Variants in EPAS1 observed in about 807,000 individuals in gnomAD.
EPAS1 encodes the protein endothelial PAS domain-containing protein 1.
EPAS1 carries 23 observed loss-of-function variants against 87.9 expected under a neutral mutation model. That is an observed-to-expected ratio of 0.26 (90% CI 0.19 to 0.37). The LOEUF (loss-of-function observed/expected upper bound fraction) is 0.37. EPAS1 is among the 10% of genes least tolerant of loss of function. The pLI is 1.00. For missense variants in EPAS1, 1,138 were observed against 1,120.7 expected, an observed-to-expected ratio of 1.02 and a Z score of -0.22; for synonymous variants, 508 against 444.3, an observed-to-expected ratio of 1.14 and a Z score of -1.80.
At position 46,378,641 on chromosome 2, in the gene EPAS1, C is replaced by A. The variant is rs1360504286; in HGVS notation, c.1444-16C>A. On this transcript the variant is annotated splice_polypyrimidine_tract_variant and intron_variant, in intron 10 of 15. Coordinates refer to ENST00000263734, the MANE Select transcript of EPAS1 (RefSeq NM_001430.5). ...GCCATATCTTTGACTCTGTCCCCCT[C>A]CTTCCTGGCCCCTAGCCCAATAGCC... 2.5e-6 allele frequency: 4 copies of A among 1,610,196 alleles called. No individual in the cohort carries two copies. Among genetic ancestry groups the A allele is most frequent in the Middle Eastern group, 3.3e-4 (2 of 6,054 alleles).
chr2:46,349,840 T>G (rs549886108), intron 2 of EPAS1, among the ~76,000 whole-genome samples: 19 of 152,356 alleles, frequency 1.2e-4, no homozygotes, highest in African/African-American at 3.6e-4. Flanking sequence ...CCAACACATG[T>G]AGCGTTATGA....
intron 1 of EPAS1, among the ~76,000 whole-genome samples, chr2:46,336,213 C>G (rs182509340): frequency 6.6e-6 from 1 of 152,192 alleles, no homozygotes; most frequent in Non-Finnish European, 1.5e-5. Context: ...TCACAATCAG[C>G]AAATATTTAC....
Position 46,369,871 on chromosome 2 carries a change from G to A in EPAS1, c.824G>A (p.Arg275His), listed in dbSNP as rs759634197. 5.6e-6 allele frequency: 9 copies of A among 1,612,970 alleles called. No individual in the cohort carries two copies. Among genetic ancestry groups the A allele is most frequent in the East Asian group, 2.2e-5 (1 of 44,890 alleles). Residue 275 changes from arginine (R) to histidine (H), a missense_variant, in exon 7 of 16, where the codon CGC becomes CAC. Arg to His is a conservative substitution (Grantham distance 29, BLOSUM62 0). Coordinates refer to ENST00000263734, the MANE Select transcript of EPAS1 (RefSeq NM_001430.5). ...IGYHPEELLG[R>H]SAYEFYHALD... ...TACCACCCTGAGGAGCTGCTTGGCC[G>A]CTCAGCCTATGAATTCTACCATGCG... is the stretch of plus-strand genomic sequence containing the variant.
intron 1 of EPAS1, among the ~76,000 whole-genome samples, chr2:46,298,690 G>T (rs1220637502): frequency 6.6e-6 from 1 of 152,240 alleles, no homozygotes; most frequent in East Asian, 1.9e-4. Context: ...GGGCAGCCAC[G>T]ATCTGCCCGC....
At chr2:46,337,103 C>T (rs533001519) in intron 1 of EPAS1, among the ~76,000 whole-genome samples, 43 of 152,300 alleles carry the variant, frequency 2.8e-4, no homozygotes, top group African/African-American at 9.1e-4. Context: ...AAGTCATTGA[C>T]GTGGTTTTTA....
chr2:46,297,600 T>C lies in EPAS1; in HGVS notation c.-312T>C, dbSNP rs1682905520. The C allele has an allele frequency of 2.4e-6, 1 of 415,104 alleles. No individual in the cohort carries two copies. The highest frequency in any genetic ancestry group is 4.4e-6 in the Non-Finnish European group (1 of 225,996). The allele number at this position is 415,104 out of a possible 1,614,324, so 25.7% of individuals were successfully genotyped here. ...TGAAAACTCAGAAAAGTGACTCCTT[T>C]TCCAGGGAAAAAGGAACTTGGGTTC... On this transcript the variant is annotated 5_prime_UTR_variant, in exon 1 of 16. Coordinates refer to ENST00000263734, the MANE Select transcript of EPAS1 (RefSeq NM_001430.5).
chr2:46,297,816 G>T lies in EPAS1; in HGVS notation c.-96G>T, dbSNP rs567150001. The T allele has an allele frequency of 1.4e-5, 22 of 1,533,878 alleles. No homozygotes were observed. Among genetic ancestry groups the T allele is most frequent in the Admixed American group, 1.9e-5 (1 of 51,316 alleles). On this transcript the variant is annotated 5_prime_UTR_variant, in exon 1 of 16. Transcript: ENST00000263734. Reference sequence around the variant, plus strand: ...CGCGCACCTCGGACCTTCACCACCCGCCCGGGCCGCGGGGAGCGGACGAGG... The same window carrying T: ...CGCGCACCTCGGACCTTCACCACCCTCCCGGGCCGCGGGGAGCGGACGAGG...
rs1684359528 is a variant in EPAS1, at chr2:46,360,197, G to C, written c.455-441G>C. On this transcript the variant is annotated intron_variant, in intron 4 of 15. Coordinates refer to ENST00000263734, the MANE Select transcript of EPAS1 (RefSeq NM_001430.5). This position sits in a 1 kb window ranked among gnomAD's most constrained non-coding sequence, Gnocchi z 4.5. ...AAAGGAAAGACGGGAGTGTCGGAGA[G>C]ACATTTCTAACCTGTGAGGAAGGCT... 2.6e-5 allele frequency among the ~76,000 whole-genome samples: 4 copies of C among 152,220 alleles called. No homozygotes were observed. The South Asian group carries it at 8.3e-4, about 32-fold the overall frequency.
At chr2:46,314,944 TAGTGTCTCCATCTCC>T (rs767992776) in intron 1 of EPAS1, among the ~76,000 whole-genome samples, 55 of 151,884 alleles carry the variant, frequency 3.6e-4, no homozygotes, top group Non-Finnish European at 7.4e-4. Context: ...GCAGGAGGGG[TAGTGTCTCCATCTCC>T]TGATGCCAGG....
At position 46,376,501 on chromosome 2, in the gene EPAS1, A is replaced by C. The variant is rs116083076; in HGVS notation, c.1035-38A>C. The C allele has an allele frequency of 3.2e-3, 5,105 of 1,609,910 alleles. 164 individuals are homozygous for C. The African/African-American group carries it at 0.061, about 19-fold the overall frequency. ...CTAGGGGAGCAGAATTTTTCTAGAA[A>C]ATGTGGAAAGTCTGAATGGCTCTTT... On this transcript the variant is annotated intron_variant, in intron 8 of 15. Coordinates refer to ENST00000263734, the MANE Select transcript of EPAS1 (RefSeq NM_001430.5).
Position 46,386,141 on chromosome 2 carries a change from T to C in EPAS1, c.*1481T>C, listed in dbSNP as rs1229265006. Reference sequence around the variant, plus strand: ...TCAGTGACATGTAGGTAGGAAGCACTGAAAATAGTGTTCCCAGAGCACTTT... The same window carrying C: ...TCAGTGACATGTAGGTAGGAAGCACCGAAAATAGTGTTCCCAGAGCACTTT... On this transcript the variant is annotated 3_prime_UTR_variant, in exon 16 of 16. Coordinates refer to ENST00000263734, the MANE Select transcript of EPAS1 (RefSeq NM_001430.5). 1 of 152,624 alleles carries C rather than the reference T, an allele frequency of 6.6e-6. No homozygotes were observed. Among genetic ancestry groups the C allele is most frequent in the Non-Finnish European group, 1.5e-5 (1 of 68,048 alleles). The allele number at this position is 152,624 out of a possible 1,614,324, so 9.5% of individuals were successfully genotyped here. A position where few individuals can be genotyped will look rare whatever the true frequency, so the allele number is the denominator to read the frequency against.
Position 46,361,074 on chromosome 2 carries a change from A to G in EPAS1, c.763A>G (p.Thr255Ala). The G allele has an allele frequency of 6.2e-7, 1 of 1,614,092 alleles. No homozygotes were observed. The highest frequency in any genetic ancestry group is 8.5e-7 in the Non-Finnish European group (1 of 1,180,000). ...LSRHSMDMKFTYCDDRITELI... is the reference protein window; with the variant it reads ...LSRHSMDMKFAYCDDRITELI... Reference sequence around the variant, plus strand: ...CCGCCACAGCATGGACATGAAGTTCACCTACTGTGATGACAGGTAGGGGGC... The same window carrying G: ...CCGCCACAGCATGGACATGAAGTTCGCCTACTGTGATGACAGGTAGGGGGC... The change falls in exon 6 of 16, where the codon ACC becomes GCC. Residue 255 changes from threonine to alanine, a missense_variant. Thr to Ala is a moderately conservative substitution (Grantham distance 58). This residue lies in a region of EPAS1 where 351 missense variants were observed against 417.1 expected (regional missense o/e 0.84). Coordinates refer to ENST00000263734, the MANE Select transcript of EPAS1 (RefSeq NM_001430.5).
intron 14 of EPAS1, 73 bp from the exon 15 acceptor site, chr2:46,382,352 G>A: frequency 7.0e-6 from 11 of 1,581,414 alleles, no homozygotes; most frequent in Non-Finnish European, 9.6e-6. Context: ...AAAGGAAAGG[G>A]ATGCTAGGGC....
chr2:46,337,908 C>T (rs1683828416), intron 1 of EPAS1, among the ~76,000 whole-genome samples: 1 of 152,048 alleles, frequency 6.6e-6, no homozygotes, highest in Non-Finnish European at 1.5e-5. Context: ...AGAACTATCC[C>T]AAGGGGGCTG....
intron 12 of EPAS1, chr2:46,381,365 G>C: frequency 1.6e-6 from 1 of 613,270 alleles, no homozygotes. Flanking sequence ...CAGCCAGGCA[G>C]CCATCCCCCA....
In EPAS1 at chr2:46,360,171, T is replaced by C. The variant is rs1333659920; in HGVS notation, c.455-467T>C. 6.6e-6 allele frequency among the ~76,000 whole-genome samples: 1 copy of C among 152,206 alleles called. No individual in the cohort carries two copies. The highest frequency in any genetic ancestry group is 1.5e-5 in the Non-Finnish European group (1 of 68,032). Reference sequence around the variant, plus strand: ...TAAATTCCTCCTGAGAGACAGGTTATAAAGGAAAGACGGGAGTGTCGGAGA... The same window carrying C: ...TAAATTCCTCCTGAGAGACAGGTTACAAAGGAAAGACGGGAGTGTCGGAGA... On this transcript the variant is annotated intron_variant, in intron 4 of 15. Transcript: ENST00000263734. This position sits in a 1 kb window ranked among gnomAD's most constrained non-coding sequence, Gnocchi z 4.5.
At chr2:46,317,186 G>C (rs1683361081) in intron 1 of EPAS1, among the ~76,000 whole-genome samples, 1 of 152,138 alleles carries the variant, frequency 6.6e-6, no homozygotes, top group African/African-American at 2.4e-5. Context: ...CCAGACTCCT[G>C]TTACTGCTGA....
Position 46,297,815 on chromosome 2 carries a change from C to A in EPAS1, c.-97C>A. The A allele has an allele frequency of 1.3e-6, 2 of 1,529,956 alleles. No homozygotes were observed. Among genetic ancestry groups the A allele is most frequent in the Non-Finnish European group, 8.9e-7 (1 of 1,129,408 alleles). The allele number at this position is 1,529,956 out of a possible 1,614,324, so 94.8% of individuals were successfully genotyped here. A position where few individuals can be genotyped will look rare whatever the true frequency, so the allele number is the denominator to read the frequency against. ...GCGCGCACCTCGGACCTTCACCACC[C>A]GCCCGGGCCGCGGGGAGCGGACGAG... is the stretch of plus-strand genomic sequence containing the variant. On this transcript the variant is annotated 5_prime_UTR_variant, in exon 1 of 16. Transcript: ENST00000263734.
At chr2:46,337,962 C>T (rs779598043) in intron 1 of EPAS1, among the ~76,000 whole-genome samples, 1 of 152,112 alleles carries the variant, frequency 6.6e-6, no homozygotes, top group East Asian at 1.9e-4. Context: ...TGGTGGCCAG[C>T]GTGTCTCACT....
Sources: gnomAD v4.1 joint callset for allele counts (sites outside exome capture counted in the v4.1 genomes callset) on GRCh38, gnomAD v4.1.1 for gene constraint, gnomAD v4.1.1 regional missense constraint, Gnocchi (gnomAD v3.1) non-coding constraint, MANE v1.5 for transcripts, NCBI Gene and HGNC (gene_info 2026-07-23, HGNC 2026-07-21) for gene names.